HMG20A: variants seen among roughly 807,000 people sequenced by gnomAD.
The protein encoded by HMG20A is high mobility group 20A.
Under a neutral mutation model 43.9 loss-of-function variants are expected in HMG20A, and 17 were observed. That is an observed-to-expected ratio of 0.39 (90% CI 0.27 to 0.58). The LOEUF is 0.58. Ranked by LOEUF, HMG20A falls within the 20% of genes least tolerant of loss-of-function variation. HMG20A has a pLI of 0.59. For missense variants in HMG20A, 341 were observed against 438.2 expected (o/e 0.78, Z 1.98); for synonymous variants, 132 against 147.5 (o/e 0.89, Z 0.76).
chr15:77,465,288 AAG>A (rs2142337185), intron 3 of HMG20A, among the ~76,000 whole-genome samples: 2 of 149,958 alleles, frequency 1.3e-5, no homozygotes, highest in Admixed American at 6.6e-5. Context: ...AAAAAAAAGA[AAG>A]AAAAAAACAA....
intron 9 of HMG20A, among the ~76,000 whole-genome samples, chr15:77,480,493 G>A (rs2072896776): frequency 6.6e-6 from 1 of 151,310 alleles, no homozygotes; most frequent in Non-Finnish European, 1.5e-5. Flanking sequence ...CACACCTATA[G>A]TCCTAGCTAC....
the HMG20A span, among the ~76,000 whole-genome samples, chr15:77,514,522 G>A: frequency 6.6e-6 from 1 of 152,184 alleles, no homozygotes; most frequent in African/African-American, 2.4e-5. Flanking sequence ...CTCTATAAAA[G>A]TTACACCTCC....
chr15:77,435,011 C>T (rs1414352721), intron 1 of HMG20A, among the ~76,000 whole-genome samples: 1 of 152,074 alleles, frequency 6.6e-6, no homozygotes, highest in Non-Finnish European at 1.5e-5. Context: ...CTTGTATCTA[C>T]ATGGATGATC....
At chr15:77,507,150 C>T in the HMG20A span, among the ~76,000 whole-genome samples, 1 of 152,218 alleles carries the variant, frequency 6.6e-6, no homozygotes, top group African/African-American at 2.4e-5. Context: ...CTCCCAGACT[C>T]ACACTGGAAC....
At chr15:77,446,344 T>C (rs1002360541) in intron 1 of HMG20A, among the ~76,000 whole-genome samples, 16 of 152,188 alleles carry the variant, frequency 1.1e-4, no homozygotes, top group African/African-American at 3.9e-4. Flanking sequence ...GTTGGGATTT[T>C]TAAATCTTAT....
chr15:77,461,101 GA>G (rs372099904), intron 2 of HMG20A, among the ~76,000 whole-genome samples: 19 of 144,874 alleles, frequency 1.3e-4, no homozygotes, highest in South Asian at 4.4e-4. Context: ...GAACCCAAGT[GA>G]AAAAAAAAAA....
intron 2 of HMG20A, among the ~76,000 whole-genome samples, chr15:77,460,667 C>T (rs1253515430): frequency 1.3e-5 from 2 of 152,038 alleles, no homozygotes; most frequent in Admixed American, 1.3e-4. Flanking sequence ...TAAAGCCTGA[C>T]CTCTGGGATA....
At chr15:77,459,170 T>C (rs1034113189) in intron 2 of HMG20A, among the ~76,000 whole-genome samples, 2 of 152,232 alleles carry the variant, frequency 1.3e-5, no homozygotes, top group Admixed American at 1.3e-4. Context: ...GTTTAAAAAA[T>C]AGGCTATACT....
intron 1 of HMG20A, among the ~76,000 whole-genome samples, chr15:77,438,137 A>AC (rs2073569688): frequency 8.8e-6 from 1 of 113,438 alleles, no homozygotes; most frequent in East Asian, 2.4e-4. Context: ...TTTAGTTTTA[A>AC]TTTTTTTTTT....
the HMG20A span, among the ~76,000 whole-genome samples, chr15:77,512,719 A>G: frequency 3.3e-5 from 5 of 152,054 alleles, no homozygotes; most frequent in Admixed American, 2.6e-4. Context: ...TACTGGGTAA[A>G]TTTTTGATGA....
the HMG20A span, among the ~76,000 whole-genome samples, chr15:77,497,838 A>ATT: frequency 1.4e-4 from 20 of 142,608 alleles, no homozygotes; most frequent in African/African-American, 2.6e-4. Flanking sequence ...AAGATTTTTA[A>ATT]TTTTTTTTTT....
intron 5 of HMG20A, among the ~76,000 whole-genome samples, 191 bp from the exon 6 acceptor site, chr15:77,471,592 T>G (rs886864358): frequency 1.2e-4 from 19 of 152,236 alleles, no homozygotes; most frequent in African/African-American, 4.6e-4. Context: ...TGCCTAATTA[T>G]GAATTCTGTA....
At chr15:77,506,377 G>T in the HMG20A span, among the ~76,000 whole-genome samples, 1 of 152,118 alleles carries the variant, frequency 6.6e-6, no homozygotes, top group Non-Finnish European at 1.5e-5. Context: ...ACCAGTTGCT[G>T]GTTCACGATG....
At chr15:77,474,312 C>T (rs920466451) in intron 6 of HMG20A, among the ~76,000 whole-genome samples, 20 of 152,280 alleles carry the variant, frequency 1.3e-4, no homozygotes, top group African/African-American at 4.8e-4. Context: ...CTTTACTTAT[C>T]CTATGAGGAG....
chr15:77,469,198 C>CT (rs1158068748), intron 4 of HMG20A, among the ~76,000 whole-genome samples: 10 of 149,782 alleles, frequency 6.7e-5, no homozygotes, highest in African/African-American at 2.4e-4. Context: ...TATTTAAATT[C>CT]TCCTTTGTCA....
At chr15:77,437,289 A>G (rs1389463518) in intron 1 of HMG20A, among the ~76,000 whole-genome samples, 1 of 152,178 alleles carries the variant, frequency 6.6e-6, no homozygotes, top group Non-Finnish European at 1.5e-5. Context: ...TCACCATTGT[A>G]TTGCTGGTAT....
intron 4 of HMG20A, among the ~76,000 whole-genome samples, 165 bp downstream of exon 4, chr15:77,467,472 AT>A (rs1213223581): frequency 1.3e-5 from 2 of 152,194 alleles, no homozygotes; most frequent in African/African-American, 2.4e-5. Context: ...TAGCCTAGTG[AT>A]TTTTAAACTA....
chr15:77,496,215 T>G, the HMG20A span, among the ~76,000 whole-genome samples: 2 of 152,330 alleles, frequency 1.3e-5, no homozygotes, highest in South Asian at 4.1e-4. Flanking sequence ...TGTTCTTGGA[T>G]ATAAATATTG....
intron 3 of HMG20A, chr15:77,464,680 A>G: frequency 3.6e-6 from 1 of 281,156 alleles, no homozygotes; most frequent in South Asian, 4.1e-5. Context: ...ATAAGTAACT[A>G]ATGAGAAGTG....
Sources: gnomAD v4.1 joint callset for allele counts (sites outside exome capture counted in the v4.1 genomes callset) on GRCh38, gnomAD v4.1.1 for gene constraint, MANE v1.5 for transcripts, NCBI Gene and HGNC (gene_info 2026-07-23, HGNC 2026-07-21) for gene names.